The following RYR2 variants were observed in gnomAD, a reference collection of about 807,000 sequenced individuals.
RYR2 encodes the protein ryanodine receptor 2.
Under a neutral mutation model 601.1 loss-of-function variants are expected in RYR2, and 227 were observed. That is an observed-to-expected ratio of 0.38 (90% CI 0.34 to 0.42). The LOEUF (loss-of-function observed/expected upper bound fraction) is 0.42. Among genes scored for constraint, RYR2 ranks in the 10% least tolerant of loss-of-function variants. The pLI is 1.00. For synonymous variants in RYR2, 2,223 were observed against 2,175.1 expected (o/e 1.02, Z -0.61); for missense variants, 4,646 against 6,156.5 (o/e 0.75, Z 8.21).
chr1:237,274,388 T>A (rs1457668124), intron 2 of RYR2, among the ~76,000 whole-genome samples: 1 of 149,140 alleles, frequency 6.7e-6, no homozygotes, highest in Non-Finnish European at 1.5e-5. Context: ...GAGTCTTAGT[T>A]TTTAACAAAA....
intron 4 of RYR2, among the ~76,000 whole-genome samples, chr1:237,360,670 A>G (rs1233407084): frequency 1.3e-5 from 2 of 152,234 alleles, no homozygotes; most frequent in Non-Finnish European, 2.9e-5. Context: ...TGCATCTCAC[A>G]TAACTAGATT....
intron 1 of RYR2, among the ~76,000 whole-genome samples, chr1:237,193,401 A>G (rs1323381404): frequency 6.6e-6 from 1 of 152,180 alleles, no homozygotes; most frequent in Non-Finnish European, 1.5e-5. Context: ...TGGAGCTTGC[A>G]GTGAGCAGAG....
At chr1:237,266,878 A>G (rs1313851010) in intron 1 of RYR2, among the ~76,000 whole-genome samples, 1 of 151,796 alleles carries the variant, frequency 6.6e-6, no homozygotes, top group Non-Finnish European at 1.5e-5. Context: ...GAACTGAACC[A>G]TGATTGAAAG....
intron 10 of RYR2, among the ~76,000 whole-genome samples, chr1:237,404,618 T>C (rs188466208): frequency 6.6e-6 from 1 of 152,324 alleles, no homozygotes; most frequent in East Asian, 1.9e-4. Context: ...CCTCCCTTTT[T>C]GTGTGATGGG....
chr1:237,718,502 A>G lies in RYR2; in HGVS notation c.10535A>G (p.Asn3512Ser). ...GAAGTACGAGATATAATCCGCAGCA[A>G]TATTCATTTACAAGGCAAGGTAAGC... Reference protein sequence around the residue: ...EDEVRDIIRSNIHLQGKLEDP... With the variant: ...EDEVRDIIRSSIHLQGKLEDP... The change falls in exon 73 of 105, where the codon AAT becomes AGT. Residue 3512 changes from asparagine to serine, a missense_variant. Asn to Ser is a conservative substitution (Grantham distance 46). This residue lies in a region of RYR2 where 1,497 missense variants were observed against 1,842.6 expected (regional missense o/e 0.81). Coordinates refer to ENST00000366574, the MANE Select transcript of RYR2 (RefSeq NM_001035.3). 1 of 1,595,902 alleles carries G rather than the reference A, an allele frequency of 6.3e-7. No homozygotes were observed.
intron 1 of RYR2, among the ~76,000 whole-genome samples, chr1:237,125,240 C>T (rs185896665): frequency 2.2e-4 from 33 of 151,886 alleles, no homozygotes; most frequent in Admixed American, 4.6e-4. Context: ...TTTTTAAGGT[C>T]GCCACGCCCA....
At chr1:237,550,203 C>A (rs149845855) in intron 26 of RYR2, among the ~76,000 whole-genome samples, 1 of 152,148 alleles carries the variant, frequency 6.6e-6, no homozygotes, top group Admixed American at 6.6e-5. Flanking sequence ...GGAATAAAAC[C>A]CTGTCCATGA....
chr1:237,295,518 T>C (rs1558573194), intron 2 of RYR2, among the ~76,000 whole-genome samples: 1 of 152,150 alleles, frequency 6.6e-6, no homozygotes, highest in Non-Finnish European at 1.5e-5. Context: ...TAAAAAGACA[T>C]TGAAATGTTG....
chr1:237,684,934 G>GA (rs3035867), intron 62 of RYR2, among the ~76,000 whole-genome samples: 51,261 of 147,562 alleles, frequency 0.35, 9,548 homozygotes, highest in Middle Eastern at 0.64. Flanking sequence ...TAATTAGAGA[G>GA]AAAAAAAAAA....
In RYR2 at chr1:237,070,990, G is replaced by C. The variant is rs549298922; in HGVS notation, c.48+28421G>C. 3.9e-5 allele frequency among the ~76,000 whole-genome samples: 6 copies of C among 152,322 alleles called. No homozygotes were observed. The South Asian group carries it at 6.2e-4, about 16-fold the overall frequency. ...CCTTGTTGCCTGCAATGTGGTGAGT[G>C]GGGGGCATGTTTCCAGCCTGTTTGT... On this transcript the variant is annotated intron_variant, in intron 1 of 104. Coordinates refer to ENST00000366574, the MANE Select transcript of RYR2 (RefSeq NM_001035.3).
intron 1 of RYR2, among the ~76,000 whole-genome samples, chr1:237,092,971 T>G (rs1667131057): frequency 6.6e-6 from 1 of 152,164 alleles, no homozygotes; most frequent in African/African-American, 2.4e-5. Flanking sequence ...CAGCAGTGTG[T>G]GGGCGTATAT....
At chr1:237,147,521 G>T (rs1674153299) in intron 1 of RYR2, among the ~76,000 whole-genome samples, 1 of 152,088 alleles carries the variant, frequency 6.6e-6, no homozygotes, top group African/African-American at 2.4e-5. Context: ...TGACCATTTT[G>T]TATCTTCAGT....
chr1:237,361,496 A>G (rs1007695196), intron 4 of RYR2, among the ~76,000 whole-genome samples: 1 of 152,192 alleles, frequency 6.6e-6, no homozygotes, highest in Non-Finnish European at 1.5e-5. Flanking sequence ...TCCTTAATGG[A>G]AACTTCACGC....
intron 10 of RYR2, among the ~76,000 whole-genome samples, chr1:237,407,136 CCCCT>C (rs1177518299): frequency 6.6e-6 from 1 of 152,128 alleles, no homozygotes; most frequent in Non-Finnish European, 1.5e-5. Context: ...GCATATATGG[CCCCT>C]CTATATCTTT....
At chr1:237,510,531 T>C (rs558426670) in intron 23 of RYR2, among the ~76,000 whole-genome samples, 4 of 152,208 alleles carry the variant, frequency 2.6e-5, no homozygotes, top group Non-Finnish European at 4.4e-5. Flanking sequence ...ATATCTAATA[T>C]ATGATTCTAT....
chr1:237,492,928 C>G, intron 18 of RYR2, 26 bp from the exon 19 acceptor site: 2 of 1,535,040 alleles, frequency 1.3e-6, no homozygotes, highest in Non-Finnish European at 1.8e-6. Flanking sequence ...GAGGGAGGAT[C>G]AGCTGAAAGT....
Position 237,623,870 on chromosome 1 carries a change from G to A in RYR2, c.6022G>A (p.Gly2008Arg). 2 of 1,589,740 alleles carry A rather than the reference G, an allele frequency of 1.3e-6. No individual in the cohort carries two copies. The highest frequency in any genetic ancestry group is 1.7e-6 in the Non-Finnish European group (2 of 1,158,106). Residue 2008 changes from glycine to arginine, a missense_variant and splice_region_variant, in exon 39 of 105, where the codon GGA becomes AGA. Transcript: ENST00000366574. ...DFHEDLMTHC[G>R]IELDEDGSLD... ...CCATGAAGATTTGATGACACATTGT[G>A]GTAAGGTCTTTTTGATTAAAAGCTT...
intron 80 of RYR2, among the ~76,000 whole-genome samples, chr1:237,749,686 C>A (rs1692378345): frequency 6.6e-6 from 1 of 152,134 alleles, no homozygotes; most frequent in Non-Finnish European, 1.5e-5. Flanking sequence ...GCTATCCAGG[C>A]ATAAATTCTC....
intron 1 of RYR2, among the ~76,000 whole-genome samples, chr1:237,160,287 T>C (rs1675860524): frequency 6.6e-6 from 1 of 152,214 alleles, no homozygotes; most frequent in South Asian, 2.1e-4. Context: ...ATTGTCAGTG[T>C]TTAGAGGAAA....
Sources: allele counts gnomAD v4.1 joint callset (sites outside exome capture counted in the v4.1 genomes callset), GRCh38; gene constraint gnomAD v4.1.1; regional missense constraint gnomAD v4.1.1; transcripts MANE v1.5; gene names NCBI Gene and HGNC (gene_info 2026-07-23, HGNC 2026-07-21).